MAP3K2: variants seen among roughly 807,000 people sequenced by gnomAD.
MAP3K2 encodes mitogen-activated protein kinase kinase kinase 2.
A neutral mutation model predicts 80.3 loss-of-function variants in MAP3K2; 24 were observed. The observed-to-expected ratio is 0.30, with a 90% confidence interval of 0.22 to 0.42. The LOEUF is 0.42. Ranked by LOEUF, MAP3K2 falls within the 10% of genes least tolerant of loss-of-function variation. The probability of loss-of-function intolerance (pLI) is 1.00; values close to 1 mark genes in which losing one functional copy is unlikely to be tolerated. For synonymous variants in MAP3K2, 244 were observed against 253.7 expected (o/e 0.96, Z 0.36); for missense variants, 608 against 750.1 (o/e 0.81, Z 2.21).
intron 1 of MAP3K2, among the ~76,000 whole-genome samples, chr2:127,379,799 T>C (rs976356902): frequency 2.0e-5 from 3 of 152,238 alleles, no homozygotes; most frequent in Non-Finnish European, 4.4e-5. Flanking sequence ...CCAGGCTGCC[T>C]GAGTTCAAGT....
chr2:127,326,919 A>G, intron 7 of MAP3K2, 102 bp from the exon 8 acceptor site: 1 of 692,974 alleles, frequency 1.4e-6, no homozygotes, highest in Non-Finnish European at 2.2e-6. Context: ...TAATTTCAGC[A>G]AAAGAAAATT....
At chr2:127,353,253 C>A (rs372183080) in intron 1 of MAP3K2, among the ~76,000 whole-genome samples, 1 of 150,712 alleles carries the variant, frequency 6.6e-6, no homozygotes, top group Non-Finnish European at 1.5e-5. Flanking sequence ...TAGGAAGTGA[C>A]GAGCGTCTCT....
intron 12 of MAP3K2, among the ~76,000 whole-genome samples, chr2:127,319,936 G>A (rs2104818599): frequency 6.6e-6 from 1 of 151,578 alleles, no homozygotes; most frequent in East Asian, 1.9e-4. Flanking sequence ...TAAAGTCAGT[G>A]GTGCACAGAG....
At chr2:127,359,615 G>C (rs903744191) in intron 1 of MAP3K2, among the ~76,000 whole-genome samples, 1 of 152,158 alleles carries the variant, frequency 6.6e-6, no homozygotes, top group Non-Finnish European at 1.5e-5. Context: ...ATCTCATGTT[G>C]AAATGTAAGC....
intron 4 of MAP3K2, among the ~76,000 whole-genome samples, chr2:127,336,781 T>C (rs1686381185): frequency 6.6e-6 from 1 of 152,232 alleles, no homozygotes; most frequent in South Asian, 2.1e-4. Flanking sequence ...TGAGCCACTT[T>C]AAAATCCTTA....
chr2:127,340,208 G>C (rs1686450035), intron 2 of MAP3K2, among the ~76,000 whole-genome samples: 1 of 152,014 alleles, frequency 6.6e-6, no homozygotes, highest in Admixed American at 6.5e-5. Context: ...CTTCACCAAG[G>C]ATTTTTTATA....
At chr2:127,343,381 T>C (rs1326805186) in intron 1 of MAP3K2, among the ~76,000 whole-genome samples, 187 bp from the exon 2 acceptor site, 1 of 152,128 alleles carries the variant, frequency 6.6e-6, no homozygotes, top group Non-Finnish European at 1.5e-5. Flanking sequence ...GCCTAACACA[T>C]ACCAAAATTC....
chr2:127,388,050 C>G (rs562086821), upstream of MAP3K2: 6 of 983,508 alleles, frequency 6.1e-6, no homozygotes, highest in East Asian at 3.4e-4. Flanking sequence ...GTAGCGGAAC[C>G]CGCCGCGGGC....
At chr2:127,330,109 G>A in intron 6 of MAP3K2, 101 bp from the exon 7 acceptor site, 1 of 709,238 alleles carries the variant, frequency 1.4e-6, no homozygotes, top group Non-Finnish European at 2.4e-6. Context: ...TTGTTTGTGA[G>A]CCTTAATCAA....
chr2:127,356,225 T>C (rs769503133), intron 1 of MAP3K2, among the ~76,000 whole-genome samples: 3 of 152,170 alleles, frequency 2.0e-5, no homozygotes, highest in Non-Finnish European at 4.4e-5. Flanking sequence ...ATGTTCTTAA[T>C]GGCACCTAGA....
chr2:127,308,505 A>G, intron 16 of MAP3K2, 80 bp downstream of exon 16: 1 of 1,264,242 alleles, frequency 7.9e-7, no homozygotes. Context: ...GATTATTTAC[A>G]TCTGCCTCAG....
In MAP3K2 at chr2:127,324,242, C is replaced by A; in HGVS notation, c.678-1G>T. On this transcript the variant is annotated splice_acceptor_variant, in intron 9 of 16. Coordinates refer to ENST00000682094, the MANE Select transcript of MAP3K2 (RefSeq NM_001371910.2). LOFTEE classifies it high-confidence loss of function. ...CATTCGTGATTTTGGATAGCTCTCT[C>A]TATAAAGAAAAAACATCACATTAAG... is the stretch of plus-strand genomic sequence containing the variant. 6.5e-7 allele frequency: 1 copy of A among 1,529,728 alleles called. No individual in the cohort carries two copies. The highest frequency in any genetic ancestry group is 2.3e-5 in the East Asian group (1 of 42,558). The allele number at this position is 1,529,728 out of a possible 1,614,324, so 94.8% of individuals were successfully genotyped here.
intron 12 of MAP3K2, among the ~76,000 whole-genome samples, chr2:127,319,818 A>G (rs933230589): frequency 2.4e-4 from 37 of 151,806 alleles, no homozygotes; most frequent in South Asian, 1.5e-3. Context: ...CAACCTGGGC[A>G]ACAAGAGTGA....
chr2:127,322,347 C>A lies in MAP3K2; in HGVS notation c.839-95G>T. 2.6e-6 allele frequency: 2 copies of A among 772,164 alleles called. No homozygotes were observed. The highest frequency in any genetic ancestry group is 4.1e-6 in the Non-Finnish European group (2 of 490,666). The allele number at this position is 772,164 out of a possible 1,614,324, so 47.8% of individuals were successfully genotyped here. A position where few individuals can be genotyped will look rare whatever the true frequency, so the allele number is the denominator to read the frequency against. On this transcript the variant is annotated intron_variant, in intron 11 of 16. Coordinates refer to ENST00000682094, the MANE Select transcript of MAP3K2 (RefSeq NM_001371910.2). This position sits in a 1 kb window ranked among gnomAD's most constrained non-coding sequence, Gnocchi z 4.2. The stretch of plus-strand genomic sequence containing the variant: ...TGTAATGTAGAGAATAGAAATTTGT[C>A]CTGTGACTAGGCTAAGAAACTCAAA...
At chr2:127,337,836 A>G in intron 3 of MAP3K2, 58 bp from the exon 4 acceptor site, 1 of 994,688 alleles carries the variant, frequency 1.0e-6, no homozygotes, top group South Asian at 1.7e-5. Flanking sequence ...CAGAGATTAG[A>G]TAAAATTTCT....
intron 10 of MAP3K2, 50 bp from the exon 11 acceptor site, chr2:127,324,044 A>G: frequency 8.9e-7 from 1 of 1,127,268 alleles, no homozygotes. Flanking sequence ...AAAAAGTTAA[A>G]TATTTCTAAT....
Position 127,318,202 on chromosome 2 carries a change from A to G in MAP3K2, c.1161T>C (p.Val387=). 6.2e-7 allele frequency: 1 copy of G among 1,609,690 alleles called. No individual in the cohort carries two copies. Among genetic ancestry groups the G allele is most frequent in the Non-Finnish European group, 8.5e-7 (1 of 1,178,298 alleles). ...DTGRELAVKQ[V]QFDPDSPETS... ...TCTCAGGACTATCGGGGTCAAATTG[A>G]ACTTGCTTAACAGCCAATTCTCTTC... The change falls in exon 13 of 17, where the codon GTT becomes GTC. Residue 387 remains valine, a synonymous_variant. Coordinates refer to ENST00000682094, the MANE Select transcript of MAP3K2 (RefSeq NM_001371910.2).
intron 1 of MAP3K2, among the ~76,000 whole-genome samples, chr2:127,381,521 T>G (rs1487172675): frequency 6.6e-6 from 1 of 152,230 alleles, no homozygotes; most frequent in East Asian, 1.9e-4. Context: ...CTGTGATTTG[T>G]TTCCATCTAT....
intron 1 of MAP3K2, among the ~76,000 whole-genome samples, chr2:127,363,477 A>G (rs1686922871): frequency 6.6e-6 from 1 of 152,174 alleles, no homozygotes; most frequent in Non-Finnish European, 1.5e-5. Context: ...TGCTGATGGG[A>G]GTTTAACACT....
Sources: allele counts gnomAD v4.1 joint callset (sites outside exome capture counted in the v4.1 genomes callset), GRCh38; gene constraint gnomAD v4.1.1; non-coding constraint Gnocchi (gnomAD v3.1); transcripts MANE v1.5; gene names NCBI Gene and HGNC (gene_info 2026-07-23, HGNC 2026-07-21).